Variants in C1orf87 observed in about 807,000 individuals in gnomAD.
The protein encoded by C1orf87 is chromosome 1 open reading frame 87.
A neutral mutation model predicts 60.5 loss-of-function variants in C1orf87; 58 were observed. That is an observed-to-expected ratio of 0.96 (90% CI 0.78 to 1.19). C1orf87 has a LOEUF of 1.19. Ranked by LOEUF, C1orf87 falls within the 50% of genes most tolerant of loss-of-function variation. The pLI, the probability that C1orf87 is intolerant of heterozygous loss-of-function variation, is 0.00. For missense variants in C1orf87, 673 were observed against 638.6 expected (o/e 1.05, Z -0.58); for synonymous variants, 236 against 227.4 (o/e 1.04, Z -0.34).
chr1:60,039,197 C>T (rs185411874), intron 5 of C1orf87, among the ~76,000 whole-genome samples: 1 of 152,198 alleles, frequency 6.6e-6, no homozygotes, highest in Non-Finnish European at 1.5e-5. Flanking sequence ...GATTAAAGTC[C>T]AGGCCTTCTT....
intron 9 of C1orf87, among the ~76,000 whole-genome samples, chr1:60,009,571 A>G (rs1450753364): frequency 6.6e-6 from 1 of 151,944 alleles, no homozygotes; most frequent in African/African-American, 2.4e-5. Context: ...TGAAATACCT[A>G]GTAAAGTTTC....
At chr1:60,012,167 G>A (rs568992903) in intron 8 of C1orf87, among the ~76,000 whole-genome samples, 39 of 149,048 alleles carry the variant, frequency 2.6e-4, no homozygotes, top group Admixed American at 1.8e-3. Context: ...AGCACCTTCT[G>A]ACGCTTTGAT....
At chr1:60,060,090 CT>C (rs551034497) in intron 2 of C1orf87, among the ~76,000 whole-genome samples, 200 of 142,868 alleles carry the variant, frequency 1.4e-3, no homozygotes, top group Admixed American at 5.2e-3. Flanking sequence ...GTTTCTTTTT[CT>C]TTTTTTTTTT....
chr1:60,071,505 A>C lies in C1orf87; in HGVS notation c.107+1032T>G, dbSNP rs1309823459. Among the ~76,000 whole-genome samples the C allele has an allele frequency of 1.6e-4, 24 of 152,346 alleles. 1 individual carries two copies. The highest frequency in any genetic ancestry group is 4.4e-5 in the Non-Finnish European group (3 of 68,032). ...GTGCTGCAAACCTCAGTTCCTGTGCAGTGGCAGACATTACTAACTGATTAT... is the reference window on the plus strand; with the variant it reads ...GTGCTGCAAACCTCAGTTCCTGTGCCGTGGCAGACATTACTAACTGATTAT... On this transcript the variant is annotated intron_variant, in intron 2 of 11. Transcript: ENST00000371201.
intron 4 of C1orf87, 138 bp from the exon 5 acceptor site, chr1:60,040,318 G>A: frequency 1.9e-6 from 2 of 1,065,918 alleles, no homozygotes; most frequent in South Asian, 1.6e-5. Context: ...CAAGTCTGTG[G>A]CACTGAAGGT....
intron 3 of C1orf87, among the ~76,000 whole-genome samples, chr1:60,045,322 CT>C (rs1645358442): frequency 6.6e-6 from 1 of 151,486 alleles, no homozygotes; most frequent in Admixed American, 6.6e-5. Context: ...GAAATGTAGA[CT>C]TAGAAAAAAA....
chr1:60,035,485 C>T (rs1026959019), intron 6 of C1orf87, among the ~76,000 whole-genome samples: 1 of 152,196 alleles, frequency 6.6e-6, no homozygotes, highest in Non-Finnish European at 1.5e-5. Flanking sequence ...TAAAACATCA[C>T]AGAGCTACCC....
In C1orf87 at chr1:60,065,367, T is replaced by TA. The variant is rs1402116045; in HGVS notation, c.107+7169dup. Reference sequence around the variant, plus strand: ...ACACGGAGGAAGGCTGGGCTAGTCTTAGCTCACTGGTAGCTAACCTGGGAT... The same window carrying TA: ...ACACGGAGGAAGGCTGGGCTAGTCTTAAGCTCACTGGTAGCTAACCTGGGAT... On this transcript the variant is annotated intron_variant, in intron 2 of 11. Transcript: ENST00000371201. 4.6e-5 allele frequency among the ~76,000 whole-genome samples: 7 copies of TA among 151,992 alleles called. No homozygotes were observed. The East Asian group carries it at 1.4e-3, about 29-fold the overall frequency.
intron 8 of C1orf87, among the ~76,000 whole-genome samples, chr1:60,015,099 G>A (rs958461750): frequency 3.3e-5 from 5 of 152,126 alleles, no homozygotes; most frequent in South Asian, 2.1e-4. Context: ...GCTGTGTTAC[G>A]GTCTAAATGT....
At chr1:60,025,564 T>C in intron 7 of C1orf87, 66 bp from the exon 8 acceptor site, 2 of 1,212,120 alleles carry the variant, frequency 1.7e-6, no homozygotes, top group South Asian at 2.9e-5. Context: ...TTCAATAGAA[T>C]ACAATTAATA....
intron 2 of C1orf87, among the ~76,000 whole-genome samples, chr1:60,066,835 C>T (rs1645549863): frequency 6.6e-6 from 1 of 151,998 alleles, no homozygotes; most frequent in Non-Finnish European, 1.5e-5. Flanking sequence ...TTCCCCCAAC[C>T]CCCCACTGAC....
At chr1:60,072,721 T>C in intron 1 of C1orf87, 51 bp from the exon 2 acceptor site, 1 of 926,252 alleles carries the variant, frequency 1.1e-6, no homozygotes, top group South Asian at 1.5e-5. Flanking sequence ...ATTAGGGAAC[T>C]GCATCATCCT....
intron 3 of C1orf87, among the ~76,000 whole-genome samples, chr1:60,041,812 C>T (rs1357969324): frequency 6.6e-6 from 1 of 152,164 alleles, no homozygotes; most frequent in African/African-American, 2.4e-5. Context: ...GCAAACCAGT[C>T]CTGAGTTCAA....
chr1:60,034,626 T>C (rs1645262467), intron 6 of C1orf87, among the ~76,000 whole-genome samples: 1 of 152,212 alleles, frequency 6.6e-6, no homozygotes, highest in South Asian at 2.1e-4. Context: ...GCTACCACTG[T>C]GACATTGCTG....
chr1:60,014,655 T>C (rs895668735), intron 8 of C1orf87, among the ~76,000 whole-genome samples: 1 of 152,176 alleles, frequency 6.6e-6, no homozygotes, highest in African/African-American at 2.4e-5. Context: ...ATGAGGGTTA[T>C]GAAGGCTTAA....
chr1:60,067,372 T>C (rs1451373697), intron 2 of C1orf87, among the ~76,000 whole-genome samples: 1 of 152,032 alleles, frequency 6.6e-6, no homozygotes, highest in African/African-American at 2.4e-5. Context: ...TGGTGTGATA[T>C]AGTATCTCAT....
intron 7 of C1orf87, 51 bp downstream of exon 7, chr1:60,033,425 C>T (rs1180779907): frequency 6.5e-7 from 1 of 1,549,498 alleles, no homozygotes; most frequent in Admixed American, 1.7e-5. Context: ...AGACCCAATG[C>T]CCTGAAGTGG....
chr1:60,036,054 T>C (rs1256926884), intron 6 of C1orf87, among the ~76,000 whole-genome samples: 2 of 152,202 alleles, frequency 1.3e-5, no homozygotes, highest in Admixed American at 6.5e-5. Flanking sequence ...GTATGTATTA[T>C]ATGAAGGATA....
rs756269720 is a variant in C1orf87 at position 60,052,326 on chromosome 1, T to C, written c.342+2878A>G. Among the ~76,000 whole-genome samples the C allele has an allele frequency of 1.7e-4, 24 of 138,618 alleles. 1 individual carries two copies. The highest frequency in any genetic ancestry group is 3.1e-4 in the Non-Finnish European group (19 of 62,144). 90.9% of individuals were successfully genotyped at this position (138,618 alleles called of 152,430 possible). On this transcript the variant is annotated intron_variant, in intron 3 of 11. Transcript: ENST00000371201. ...GAGCTGATAATTCTGAGAAATGATATAAACAATATGTATTTTTTCAAAAAC... is the reference window on the plus strand; with the variant it reads ...GAGCTGATAATTCTGAGAAATGATACAAACAATATGTATTTTTTCAAAAAC...
Sources: allele counts gnomAD v4.1 joint callset (sites outside exome capture counted in the v4.1 genomes callset), GRCh38; gene constraint gnomAD v4.1.1; transcripts MANE v1.5; gene names NCBI Gene and HGNC (gene_info 2026-07-23, HGNC 2026-07-21).